RAB5A: variants seen among roughly 807,000 people sequenced by gnomAD.
RAB5A encodes the protein RAB5A, member RAS oncogene family.
A neutral mutation model predicts 25.7 loss-of-function variants in RAB5A; 8 were observed. That is an observed-to-expected ratio of 0.31 (90% CI 0.18 to 0.56). RAB5A has a LOEUF of 0.56. Ranked by LOEUF, RAB5A falls within the 20% of genes least tolerant of loss-of-function variation. The pLI is 0.91. For missense variants in RAB5A, 192 were observed against 259.7 expected, an observed-to-expected ratio of 0.74 and a Z score of 1.79; for synonymous variants, 98 against 89.8, an observed-to-expected ratio of 1.09 and a Z score of -0.52.
chr3:19,957,721 ACT>A (rs1251432537), intron 2 of RAB5A, among the ~76,000 whole-genome samples: 12 of 110,164 alleles, frequency 1.1e-4, no homozygotes, highest in African/African-American at 4.1e-4. Context: ...ACAGAGTGAG[ACT>A]CTGTCTCAAA....
chr3:19,962,057 G>A (rs1696593546), intron 2 of RAB5A, among the ~76,000 whole-genome samples: 1 of 152,128 alleles, frequency 6.6e-6, no homozygotes, highest in Admixed American at 6.5e-5. Context: ...AACACATCCG[G>A]CAGTTGGTGC....
At chr3:19,969,044 G>GTTTTTTTTTTTTTTTTTTTTTTT (rs746635502) in intron 2 of RAB5A, among the ~76,000 whole-genome samples, 2 of 65,554 alleles carry the variant, frequency 3.1e-5, no homozygotes, top group Admixed American at 1.6e-4. Context: ...TTTTTTTTTT[G>GTTTTTTTTTTTTTTTTTTTTTTT]GTTTTTTTTT....
intron 2 of RAB5A, among the ~76,000 whole-genome samples, chr3:19,954,015 T>C (rs1161554444): frequency 1.3e-5 from 2 of 148,848 alleles, no homozygotes; most frequent in East Asian, 3.9e-4. Flanking sequence ...GCATTTCAAC[T>C]GTTGGTTTAT....
At chr3:19,954,157 G>C (rs1696465081) in intron 2 of RAB5A, among the ~76,000 whole-genome samples, 1 of 152,116 alleles carries the variant, frequency 6.6e-6, no homozygotes, top group Admixed American at 6.5e-5. Flanking sequence ...TGGGATTACA[G>C]GCCCACACCA....
intron 2 of RAB5A, among the ~76,000 whole-genome samples, chr3:19,967,162 T>G (rs1696672984): frequency 6.7e-6 from 1 of 148,604 alleles, no homozygotes. Flanking sequence ...TTTTTTTTTT[T>G]GAGATGGAGT....
chr3:19,962,839 C>T (rs964761177), intron 2 of RAB5A, among the ~76,000 whole-genome samples: 2 of 150,874 alleles, frequency 1.3e-5, no homozygotes, highest in African/African-American at 4.9e-5. Flanking sequence ...TTTTTTGAAT[C>T]GGGGTGTCAC....
intron 4 of RAB5A, 28 bp from the exon 5 acceptor site, chr3:19,978,280 CAT>C (rs1175691393): frequency 7.3e-6 from 10 of 1,364,770 alleles, no homozygotes; most frequent in South Asian, 1.2e-5. Context: ...AGATATATCT[CAT>C]ATATCTCATT....
At chr3:19,981,194 C>T (rs892160948) in intron 5 of RAB5A, among the ~76,000 whole-genome samples, 2 of 152,196 alleles carry the variant, frequency 1.3e-5, no homozygotes, top group East Asian at 1.9e-4. Context: ...CTACAGCAAT[C>T]TCCAACTTTA....
intron 2 of RAB5A, among the ~76,000 whole-genome samples, chr3:19,953,979 G>C (rs139080976): frequency 1.4e-3 from 217 of 152,254 alleles, no homozygotes; most frequent in African/African-American, 4.9e-3. Context: ...GAAGTTACCT[G>C]AAAAATGAAG....
rs770773757 is a variant in RAB5A, at chr3:19,975,631, A to G, written c.194A>G (p.Asp65Gly). 5.6e-6 allele frequency: 9 copies of G among 1,613,708 alleles called. No homozygotes were observed. ...AAFLTQTVCLDDTTVKFEIWD... is the reference protein window; with the variant it reads ...AAFLTQTVCLGDTTVKFEIWD... ...TTTCTAACCCAAACTGTATGTCTTG[A>G]TGACACTACAGTAAAGTTTGAAATA... The change falls in exon 3 of 6, where the codon GAT becomes GGT. Residue 65 changes from aspartate (D) to glycine (G), a missense_variant. This residue lies in a region of RAB5A where 39 missense variants were observed against 91.6 expected (regional missense o/e 0.43). Transcript: ENST00000273047.
At chr3:19,951,546 G>T (rs765936672) in intron 2 of RAB5A, among the ~76,000 whole-genome samples, 5 of 152,046 alleles carry the variant, frequency 3.3e-5, no homozygotes, top group Admixed American at 3.3e-4. Context: ...TGGTATTTAA[G>T]AGATGGGATC....
chr3:19,964,797 A>G (rs1447966617), intron 2 of RAB5A, among the ~76,000 whole-genome samples: 1 of 152,114 alleles, frequency 6.6e-6, no homozygotes, highest in African/African-American at 2.4e-5. Flanking sequence ...GTTTTAGTAG[A>G]GACAAGGTTT....
chr3:19,961,929 TG>T (rs1696591397), intron 2 of RAB5A, among the ~76,000 whole-genome samples: 1 of 152,216 alleles, frequency 6.6e-6, no homozygotes, highest in African/African-American at 2.4e-5. Context: ...TCCTCCAAAA[TG>T]TAGAGACTTA....
chr3:19,964,421 T>C (rs559435387), intron 2 of RAB5A, among the ~76,000 whole-genome samples: 1 of 152,314 alleles, frequency 6.6e-6, no homozygotes, highest in African/African-American at 2.4e-5. Flanking sequence ...TGTTCTTTCA[T>C]TCTTCTTCCC....
At chr3:19,975,417 C>A (rs956667019) in intron 2 of RAB5A, 184 bp from the exon 3 acceptor site, 3 of 515,148 alleles carry the variant, frequency 5.8e-6, no homozygotes, top group Non-Finnish European at 9.9e-6. Context: ...TGCAATCTGT[C>A]AAGTTTCTAG....
chr3:19,971,583 T>C (rs1559490917), intron 2 of RAB5A, among the ~76,000 whole-genome samples: 1 of 152,122 alleles, frequency 6.6e-6, no homozygotes, highest in Non-Finnish European at 1.5e-5. Context: ...GTGATTCTCC[T>C]GCCTCAGCCT....
chr3:19,965,009 C>T (rs528459926), intron 2 of RAB5A, among the ~76,000 whole-genome samples: 1 of 152,314 alleles, frequency 6.6e-6, no homozygotes, highest in East Asian at 1.9e-4. Flanking sequence ...CAGCTCACTG[C>T]AACATCTGCC....
intron 2 of RAB5A, among the ~76,000 whole-genome samples, chr3:19,966,993 A>G (rs930377142): frequency 3.3e-5 from 5 of 152,112 alleles, no homozygotes; most frequent in African/African-American, 7.2e-5. Context: ...GAGTCTCACT[A>G]TATTGCTCAT....
chr3:19,957,404 T>G (rs576335874), intron 2 of RAB5A, among the ~76,000 whole-genome samples: 137 of 151,980 alleles, frequency 9.0e-4, no homozygotes, highest in African/African-American at 3.1e-3. Flanking sequence ...GCATGGCTCA[T>G]GCCTGTAATC....
Sources: gnomAD v4.1 joint callset for allele counts (sites outside exome capture counted in the v4.1 genomes callset) on GRCh38, gnomAD v4.1.1 for gene constraint, gnomAD v4.1.1 regional missense constraint, MANE v1.5 for transcripts, NCBI Gene and HGNC (gene_info 2026-07-23, HGNC 2026-07-21) for gene names.